Variants in UNC79 observed in about 807,000 individuals in gnomAD.
UNC79 encodes the protein unc-79 subunit of NALCN channel complex, also known as protein unc-79 homolog.
In UNC79, 37 loss-of-function variants were observed where a neutral mutation model predicts 283.1. The ratio of observed to expected loss-of-function variants is 0.13; its 90% confidence interval spans 0.10 to 0.17. UNC79 has a LOEUF of 0.17. Among genes scored for constraint, UNC79 ranks in the 10% least tolerant of loss-of-function variants. The pLI, the probability that UNC79 is intolerant of heterozygous loss-of-function variation, is 1.00. For missense variants in UNC79, 2,272 were observed against 3,211.1 expected (o/e 0.71, Z 7.07); for synonymous variants, 1,107 against 1,200.2 (o/e 0.92, Z 1.61).
At chr14:93,661,496 C>A (rs1373577382) in intron 39 of UNC79, among the ~76,000 whole-genome samples, 1 of 152,142 alleles carries the variant, frequency 6.6e-6, no homozygotes, top group Non-Finnish European at 1.5e-5. Flanking sequence ...TCATGGCATG[C>A]AAGTGTTTTG....
chr14:93,496,143 A>G (rs1387017136), intron 5 of UNC79, among the ~76,000 whole-genome samples: 1 of 152,156 alleles, frequency 6.6e-6, no homozygotes, highest in South Asian at 2.1e-4. Context: ...AGTTTATTTT[A>G]TGAATGTATG....
intron 7 of UNC79, among the ~76,000 whole-genome samples, chr14:93,505,174 T>C (rs1035944614): frequency 1.3e-5 from 2 of 152,120 alleles, no homozygotes; most frequent in African/African-American, 2.4e-5. Flanking sequence ...TGAAATTAAA[T>C]TTGTAATTGT....
chr14:93,531,913 CT>C lies in UNC79; in HGVS notation c.1094-634del, dbSNP rs1365750713. Among the ~76,000 whole-genome samples, 1 of 152,056 alleles carries C rather than the reference CT, an allele frequency of 6.6e-6. No individual in the cohort carries two copies. The highest frequency in any genetic ancestry group is 1.5e-5 in the Non-Finnish European group (1 of 68,016). On this transcript the variant is annotated intron_variant, in intron 10 of 48. Transcript: ENST00000555664. The surrounding 1 kb of genome is among the most constrained non-coding windows in gnomAD (Gnocchi z 4.2). ...GGGAAATAAGATTAAATTTGTTTGG[CT>C]TTAACAAGATTTGATTTCTAAGTCA...
chr14:93,674,929 G>A (rs2073202423), intron 41 of UNC79, among the ~76,000 whole-genome samples: 2 of 152,158 alleles, frequency 1.3e-5, no homozygotes, highest in African/African-American at 4.8e-5. Context: ...GCCTTGACAG[G>A]CCCTTTCCAT....
chr14:93,617,344 C>T lies in UNC79; in HGVS notation c.4224+40C>T, dbSNP rs754942311. The T allele has an allele frequency of 1.2e-6, 2 of 1,603,982 alleles. No individual in the cohort carries two copies. The highest frequency in any genetic ancestry group is 2.7e-5 in the African/African-American group (2 of 74,800). On this transcript the variant is annotated intron_variant, in intron 28 of 48. Transcript: ENST00000555664. This position sits in a 1 kb window ranked among gnomAD's most constrained non-coding sequence, Gnocchi z 4.5. Reference sequence around the variant, plus strand: ...CACTGCTGTTTTGGATGCAATGGTTCTCTTAGAGAGCATATAGCATTAGGA... The same window carrying T: ...CACTGCTGTTTTGGATGCAATGGTTTTCTTAGAGAGCATATAGCATTAGGA...
chr14:93,615,720 CAA>C (rs1158073507), intron 27 of UNC79, among the ~76,000 whole-genome samples: 90 of 23,252 alleles, frequency 3.9e-3, no homozygotes, highest in African/African-American at 8.5e-3. Flanking sequence ...GACTCCATCT[CAA>C]AAAAAAAAAA....
At chr14:93,446,221 T>C (rs1290282029) in intron 1 of UNC79, among the ~76,000 whole-genome samples, 1 of 152,230 alleles carries the variant, frequency 6.6e-6, no homozygotes, top group Non-Finnish European at 1.5e-5. Context: ...TATTATTAAT[T>C]TGAAATCTTT....
chr14:93,677,333 T>A (rs1223169968), intron 41 of UNC79, among the ~76,000 whole-genome samples: 1 of 152,006 alleles, frequency 6.6e-6, no homozygotes, highest in Non-Finnish European at 1.5e-5. Flanking sequence ...AAGAAAGAGG[T>A]TTAATTGACT....
chr14:93,635,405 T>C (rs1192217794), intron 31 of UNC79, among the ~76,000 whole-genome samples: 2 of 152,192 alleles, frequency 1.3e-5, no homozygotes, highest in Non-Finnish European at 2.9e-5. Context: ...ACCACTAAAA[T>C]GTAAGGGCTT....
rs186881126 is a variant in UNC79 at position 93,448,707 on chromosome 14, T to C, written c.22+17656T>C. Among the ~76,000 whole-genome samples, 8 of 152,326 alleles carry C rather than the reference T, an allele frequency of 5.3e-5. No homozygotes were observed. The East Asian group carries it at 1.5e-3, about 29-fold the overall frequency. On this transcript the variant is annotated intron_variant, in intron 1 of 48. Transcript: ENST00000555664. ...CTGGCTGGGATGGAATTGCAAACTC[T>C]GTTCTCATGCAGCAGTTCCTTACTT...
intron 14 of UNC79, 107 bp downstream of exon 14, chr14:93,542,803 T>A: frequency 1.9e-6 from 2 of 1,028,500 alleles, no homozygotes; most frequent in Non-Finnish European, 2.9e-6. Flanking sequence ...GGAACATCTC[T>A]CCTTATTTTA....
At chr14:93,588,740 CAAAAAAAAAAA>C (rs397745981) in intron 22 of UNC79, among the ~76,000 whole-genome samples, 509 of 17,778 alleles carry the variant, frequency 0.029, 4 homozygotes, top group African/African-American at 0.068. Flanking sequence ...GACTCCGTCT[CAAAAAAAAAAA>C]AAAAAAAAAA....
rs1595137219 is a variant in UNC79 at position 93,699,216 on chromosome 14, A to G, written c.7548+4804A>G. ...TGATATTGTTGGGTTTAAATCTATTATCTTACTGCTTGTTTTCTATATTTC... is the reference window on the plus strand; with the variant it reads ...TGATATTGTTGGGTTTAAATCTATTGTCTTACTGCTTGTTTTCTATATTTC... On this transcript the variant is annotated intron_variant, in intron 47 of 48. Coordinates refer to ENST00000555664, the Ensembl canonical transcript of UNC79. Among the ~76,000 whole-genome samples, 4 of 152,268 alleles carry G rather than the reference A, an allele frequency of 2.6e-5. No individual in the cohort carries two copies. In the South Asian group the frequency reaches 8.3e-4, roughly 32 times the overall value.
intron 1 of UNC79, among the ~76,000 whole-genome samples, chr14:93,336,639 C>T (rs2053583519): frequency 6.6e-6 from 1 of 151,992 alleles, no homozygotes; most frequent in African/African-American, 2.4e-5. Context: ...CTGCACATGG[C>T]CTTAATAATT....
At chr14:93,602,335 C>G (rs989925396) in intron 25 of UNC79, among the ~76,000 whole-genome samples, 3 of 152,058 alleles carry the variant, frequency 2.0e-5, no homozygotes, top group African/African-American at 7.2e-5. Flanking sequence ...GCCAATTATC[C>G]CAGCACCATT....
chr14:93,382,734 G>A (rs1277323166), intron 1 of UNC79, among the ~76,000 whole-genome samples: 4 of 152,032 alleles, frequency 2.6e-5, no homozygotes, highest in Non-Finnish European at 5.9e-5. Context: ...TGGTAGAGTC[G>A]GTTCTGGAAT....
chr14:93,637,270 A>T (rs774902788), exon 32 of UNC79: 4 of 1,607,434 alleles, frequency 2.5e-6, no homozygotes, highest in Non-Finnish European at 3.4e-6. Flanking sequence ...CTAAACCCTG[A>T]CCTGGAGGGA....
intron 8 of UNC79, among the ~76,000 whole-genome samples, chr14:93,527,986 A>C (rs1169018684): frequency 6.6e-6 from 1 of 152,098 alleles, no homozygotes; most frequent in Non-Finnish European, 1.5e-5. Context: ...GAAAAAAAAA[A>C]AAAACACATG....
intron 34 of UNC79, among the ~76,000 whole-genome samples, chr14:93,645,840 G>A (rs1398977273): frequency 6.6e-6 from 1 of 152,148 alleles, no homozygotes; most frequent in Non-Finnish European, 1.5e-5. Context: ...ACTGGGAATG[G>A]TGTCTGGTGT....
Sources: gnomAD v4.1 joint callset for allele counts (sites outside exome capture counted in the v4.1 genomes callset) on GRCh38, gnomAD v4.1.1 for gene constraint, Gnocchi (gnomAD v3.1) non-coding constraint, MANE v1.5 for transcripts, NCBI Gene and HGNC (gene_info 2026-07-23, HGNC 2026-07-21) for gene names.